Variants in MROH2A observed in about 807,000 individuals in gnomAD.
MROH2A encodes maestro heat-like repeat-containing protein family member 2A.
In MROH2A, 174 loss-of-function variants were observed where a neutral mutation model predicts 200.4. The ratio of observed to expected loss-of-function variants is 0.87; its 90% CI spans 0.77 to 0.98. The LOEUF is 0.98. Among genes scored for constraint, MROH2A ranks in the 50% least tolerant of loss-of-function variants. MROH2A has a pLI of 0.00. For synonymous variants in MROH2A, 829 were observed against 840.4 expected, an observed-to-expected ratio of 0.99 and a Z score of 0.23; for missense variants, 2,045 against 2,139.6, an observed-to-expected ratio of 0.96 and a Z score of 0.87.
At chr2:233,779,988 G>T in intron 3 of MROH2A, 136 bp downstream of exon 3, 2 of 750,370 alleles carry the variant, frequency 2.7e-6, no homozygotes, top group Non-Finnish European at 4.2e-6. Flanking sequence ...ACTGTGAGGT[G>T]CTTACTCCCT....
intron 4 of MROH2A, 107 bp from the exon 5 acceptor site, chr2:233,789,745 G>A (rs1208371598): frequency 8.1e-6 from 12 of 1,475,426 alleles, no homozygotes; most frequent in Non-Finnish European, 1.1e-5. Context: ...CAGGGGTAAG[G>A]CTGAGCCCAA....
At chr2:233,795,010 G>C (rs1702014667) in intron 8 of MROH2A, among the ~76,000 whole-genome samples, 1 of 152,150 alleles carries the variant, frequency 6.6e-6, no homozygotes, top group Non-Finnish European at 1.5e-5. Context: ...GCCTTTCCCT[G>C]TGTGTCCCTC....
At chr2:233,814,548 T>G (rs959316002) in intron 25 of MROH2A, 34 bp from the exon 26 acceptor site, 1 of 1,516,474 alleles carries the variant, frequency 6.6e-7, no homozygotes, top group African/African-American at 1.4e-5. Flanking sequence ...GTGCCCCTCA[T>G]TGCCGCCTAT....
intron 3 of MROH2A, among the ~76,000 whole-genome samples, chr2:233,788,089 TAC>T (rs1701465664): frequency 3.2e-5 from 3 of 93,988 alleles, no homozygotes; most frequent in East Asian, 5.0e-4. Flanking sequence ...ATATTATATA[TAC>T]ATATATTATA....
intron 15 of MROH2A, 181 bp downstream of exon 15, chr2:233,802,496 G>T: frequency 1.5e-6 from 1 of 682,336 alleles, no homozygotes; most frequent in South Asian, 2.1e-5. Flanking sequence ...TCATATCTAG[G>T]TCATGTTAGA....
At chr2:233,779,556 C>A in intron 2 of MROH2A, 104 bp downstream of exon 2, 1 of 1,377,996 alleles carries the variant, frequency 7.3e-7, no homozygotes, top group Non-Finnish European at 1.0e-6. Context: ...GCACAGTGGA[C>A]ATCATACCAC....
rs549972922 is a variant in MROH2A at position 233,799,834 on chromosome 2, G to C, written c.1384G>C (p.Glu462Gln). 9 of 1,550,524 alleles carry C rather than the reference G, an allele frequency of 5.8e-6. No individual in the cohort carries two copies. In the South Asian group the frequency reaches 9.5e-5, roughly 16 times the overall value. The change falls in exon 13 of 42, where the codon GAG (glutamate) becomes CAG (glutamine). Residue 462 changes from glutamate (E) to glutamine (Q), a missense_variant. Physicochemically the swap from Glu to Gln is conservative, Grantham distance 29. This residue lies in a region of MROH2A where 831 missense variants were observed against 800.0 expected (regional missense o/e 1.04). Coordinates refer to ENST00000389758, the MANE Select transcript of MROH2A (RefSeq NM_001394639.1). The part of the protein sequence containing the change: ...IGQLALCGYQ[E>Q]RIKGWGLKYL... The stretch of plus-strand genomic sequence containing the variant: ...GCAGTTGGCTCTCTGTGGCTACCAG[G>C]AGAGAATCAAAGGCTGGGGCCTGAA...
chr2:233,789,193 C>G (rs904370097), intron 3 of MROH2A, among the ~76,000 whole-genome samples: 8 of 152,128 alleles, frequency 5.3e-5, no homozygotes, highest in Non-Finnish European at 1.0e-4. Flanking sequence ...TTTGGGCTTT[C>G]AAGATGGCCA....
intron 3 of MROH2A, among the ~76,000 whole-genome samples, chr2:233,787,406 A>AAC (rs149271880): frequency 0.021 from 2,685 of 127,234 alleles, 68 homozygotes; most frequent in African/African-American, 0.032. Flanking sequence ...GGATATGTAT[A>AAC]ACACACACAC....
intron 19 of MROH2A, among the ~76,000 whole-genome samples, chr2:233,805,825 G>C (rs1702756131): frequency 6.6e-6 from 1 of 152,148 alleles, no homozygotes; most frequent in Non-Finnish European, 1.5e-5. Flanking sequence ...GGAAAGAATA[G>C]TTTTTTTCAA....
At position 233,822,494 on chromosome 2, in the gene MROH2A, G is replaced by A. The variant is rs28900690; in HGVS notation, c.3804G>A (p.Pro1268=). The change falls in exon 33 of 42, where the codon CCG becomes CCA. Residue 1268 remains proline, a synonymous_variant. Coordinates refer to ENST00000389758, the MANE Select transcript of MROH2A (RefSeq NM_001394639.1). ...GSSHRPEAAP[P]VLKMWKLVHT... ...GCCACCGACCAGAGGCCGCCCCGCC[G>A]GTCTTGAAGATGTGGAAGCTGGTCC... The A allele has an allele frequency of 6.8e-3, 10,582 of 1,550,660 alleles. 577 individuals carry two copies. In the African/African-American group the frequency reaches 0.12, roughly 18 times the overall value.
At position 233,832,204 on chromosome 2, in the gene MROH2A, C is replaced by T. The variant is rs566541482; in HGVS notation, c.4762C>T (p.Arg1588Cys). Residue 1588 changes from arginine to cysteine, a missense_variant, in exon 40 of 42, where the codon CGC (arginine) becomes TGC (cysteine). Arg to Cys is a radical substitution (Grantham distance 180). This residue lies in a region of MROH2A where 1,201 missense variants were observed against 1,311.3 expected (regional missense o/e 0.92). Transcript: ENST00000389758. ...TCGGAAAAAGCCGGCTGTTCTCTAC[C>T]GCTTCTTGCTAGAAACAATGGCCTA... ...LTRKKPAVLYRFLLETMAYVK... is the reference protein window; with the variant it reads ...LTRKKPAVLYCFLLETMAYVK... The T allele has an allele frequency of 1.2e-4, 187 of 1,550,514 alleles. No individual in the cohort carries two copies. The highest frequency in any genetic ancestry group is 1.5e-4 in the Non-Finnish European group (172 of 1,147,034).
At chr2:233,789,658 C>A in intron 4 of MROH2A, 30 bp downstream of exon 4, 1 of 1,448,406 alleles carries the variant, frequency 6.9e-7, no homozygotes, top group Non-Finnish European at 9.1e-7. Context: ...CGGTGCCTTC[C>A]CTCTGCCAGC....
At chr2:233,816,551 A>T (rs1703543423) in intron 26 of MROH2A, among the ~76,000 whole-genome samples, 1 of 152,188 alleles carries the variant, frequency 6.6e-6, no homozygotes, top group Non-Finnish European at 1.5e-5. Flanking sequence ...ACAGGCAGAC[A>T]TTTGGAGCCA....
chr2:233,801,691 G>C (rs184550621), intron 14 of MROH2A, among the ~76,000 whole-genome samples: 2 of 152,100 alleles, frequency 1.3e-5, no homozygotes, highest in African/African-American at 4.8e-5. Flanking sequence ...ATGCACTTTC[G>C]TCACACCTAC....
At chr2:233,817,005 TTG>T in intron 27 of MROH2A, 120 bp downstream of exon 27, 1 of 644,914 alleles carries the variant, frequency 1.6e-6, no homozygotes, top group Non-Finnish European at 2.7e-6. Flanking sequence ...AGAGGGCCCC[TTG>T]GGAGAGGCTG....
intron 14 of MROH2A, 90 bp from the exon 15 acceptor site, chr2:233,802,078 G>T (rs1057049634): frequency 2.2e-6 from 3 of 1,375,626 alleles, no homozygotes; most frequent in South Asian, 3.0e-5. Flanking sequence ...GCAGGGATGG[G>T]ATGGCACCAT....
In MROH2A at chr2:233,807,500, G is replaced by T; in HGVS notation, c.2130G>T (p.Glu710Asp). The change falls in exon 20 of 42, where the codon GAG becomes GAT. Residue 710 changes from glutamate (E) to aspartate (D), a missense_variant. By Grantham distance (45) the Glu-to-Asp change is conservative. This residue lies in a region of MROH2A where 1,201 missense variants were observed against 1,311.3 expected (regional missense o/e 0.92). Transcript: ENST00000389758. The surrounding 1 kb of genome is among the most constrained non-coding windows in gnomAD (Gnocchi z 4.3). ...GCAAGGTGGAGGTCCTGCTGTTGGA[G>T]CTGCTGTACAAGACGGACTACAGCA... ...EASKVEVLLL[E>D]LLYKTDYSND... is the part of the protein sequence containing the mutation. 5 of 1,550,630 alleles carry T rather than the reference G, an allele frequency of 3.2e-6. No individual in the cohort carries two copies. The highest frequency in any genetic ancestry group is 4.4e-6 in the Non-Finnish European group (5 of 1,147,006).
At chr2:233,787,456 TTA>T (rs10580249) in intron 3 of MROH2A, among the ~76,000 whole-genome samples, 19,536 of 124,476 alleles carry the variant, frequency 0.16, 2,354 homozygotes, top group African/African-American at 0.23. Context: ...TACATATATA[TTA>T]TATATATATA....
Sources: allele counts gnomAD v4.1 joint callset (sites outside exome capture counted in the v4.1 genomes callset), GRCh38; gene constraint gnomAD v4.1.1; regional missense constraint gnomAD v4.1.1; non-coding constraint Gnocchi (gnomAD v3.1); transcripts MANE v1.5; gene names NCBI Gene and HGNC (gene_info 2026-07-23, HGNC 2026-07-21).